MDGA2: variants seen among roughly 807,000 people sequenced by gnomAD.
MDGA2 encodes the protein MAM domain-containing glycosylphosphatidylinositol anchor protein 2.
MDGA2 carries 40 observed loss-of-function variants against 117.8 expected under a neutral mutation model. That is an observed-to-expected ratio of 0.34 (90% CI 0.26 to 0.44). MDGA2 has a LOEUF of 0.44. Ranked by LOEUF, MDGA2 falls within the 20% of genes least tolerant of loss-of-function variation. The pLI, the probability that MDGA2 is intolerant of heterozygous loss-of-function variation, is 1.00. For missense variants in MDGA2, 1,123 were observed against 1,250.6 expected (o/e 0.90, Z 1.54); for synonymous variants, 452 against 439.0 (o/e 1.03, Z -0.37).
intron 10 of MDGA2, among the ~76,000 whole-genome samples, chr14:46,882,801 G>A (rs1315150511): frequency 2.0e-5 from 3 of 151,768 alleles, no homozygotes; most frequent in East Asian, 1.9e-4. Flanking sequence ...GCTGGAAAGG[G>A]GCACTCTTTA....
intron 2 of MDGA2, among the ~76,000 whole-genome samples, chr14:47,269,658 T>C (rs537324159): frequency 6.6e-6 from 1 of 152,308 alleles, no homozygotes; most frequent in South Asian, 2.1e-4. Context: ...TGACAGACTC[T>C]AGAATTTGGT....
chr14:47,457,389 C>A (rs1251279654), intron 1 of MDGA2, among the ~76,000 whole-genome samples: 1 of 152,138 alleles, frequency 6.6e-6, no homozygotes, highest in Non-Finnish European at 1.5e-5. Context: ...ATGAGAAATA[C>A]ACTAGTACAA....
chr14:47,569,086 T>C (rs1895972074), intron 1 of MDGA2, among the ~76,000 whole-genome samples: 1 of 152,204 alleles, frequency 6.6e-6, no homozygotes, highest in South Asian at 2.1e-4. Context: ...GTGGAGTTTT[T>C]TGTTTTTAAT....
At chr14:47,163,224 A>G (rs947081171) in intron 3 of MDGA2, among the ~76,000 whole-genome samples, 2 of 152,134 alleles carry the variant, frequency 1.3e-5, no homozygotes, top group East Asian at 1.9e-4. Flanking sequence ...ACTGGAGACA[A>G]TCTCCCTGCC....
At chr14:46,923,401 A>G (rs1240953963) in intron 9 of MDGA2, among the ~76,000 whole-genome samples, 1 of 152,142 alleles carries the variant, frequency 6.6e-6, no homozygotes, top group African/African-American at 2.4e-5. Context: ...GATGGGGATA[A>G]CATATGAAAG....
intron 1 of MDGA2, among the ~76,000 whole-genome samples, chr14:47,305,882 C>A (rs936995424): frequency 6.6e-6 from 1 of 152,158 alleles, no homozygotes. Context: ...TAACAAGTTT[C>A]GCAAAGTCAG....
At chr14:47,580,532 G>C (rs968605254) in intron 1 of MDGA2, among the ~76,000 whole-genome samples, 6 of 151,742 alleles carry the variant, frequency 4.0e-5, no homozygotes, top group Non-Finnish European at 7.4e-5. Flanking sequence ...GATTCCATTC[G>C]AGCCACTATT....
chr14:47,607,054 G>C (rs888324343), intron 1 of MDGA2, among the ~76,000 whole-genome samples: 1 of 152,068 alleles, frequency 6.6e-6, no homozygotes, highest in Non-Finnish European at 1.5e-5. Flanking sequence ...GTTTGCTAAA[G>C]ATTATTTGGT....
chr14:47,119,240 T>C (rs1004437129), intron 5 of MDGA2, among the ~76,000 whole-genome samples: 5 of 144,494 alleles, frequency 3.5e-5, no homozygotes, highest in African/African-American at 1.3e-4. Context: ...TAATTTTTTG[T>C]ATTTTTAGTA....
chr14:46,848,977 T>G (rs1406278698), intron 15 of MDGA2, among the ~76,000 whole-genome samples: 1 of 152,054 alleles, frequency 6.6e-6, no homozygotes, highest in Non-Finnish European at 1.5e-5. Context: ...TAGGCTGATT[T>G]GCAAATATAT....
intron 8 of MDGA2, among the ~76,000 whole-genome samples, chr14:47,029,883 A>G (rs138426293): frequency 1.3e-5 from 2 of 151,764 alleles, no homozygotes; most frequent in African/African-American, 4.8e-5. Flanking sequence ...GCTTGAGTGC[A>G]GTGGCAAAAT....
intron 1 of MDGA2, among the ~76,000 whole-genome samples, chr14:47,382,967 A>G (rs1320620215): frequency 2.0e-5 from 3 of 152,342 alleles, no homozygotes; most frequent in South Asian, 4.1e-4. Flanking sequence ...ATGTCCATCA[A>G]TGATAGACTG....
chr14:47,337,999 A>T lies in MDGA2; in HGVS notation c.281-36449T>A, dbSNP rs1269908917. Among the ~76,000 whole-genome samples the T allele has an allele frequency of 3.9e-5, 6 of 152,040 alleles. No homozygotes were observed. The East Asian group carries it at 1.2e-3, about 29-fold the overall frequency. The stretch of plus-strand genomic sequence containing the variant: ...CACTGCACTGCAGTTGCTACTACAT[A>T]GTCTGATTTTCCCTTTGAGAGTTTT... On this transcript the variant is annotated intron_variant, in intron 1 of 16. Transcript: ENST00000399232.
chr14:47,360,754 G>A (rs1282661287), intron 1 of MDGA2, among the ~76,000 whole-genome samples: 1 of 152,134 alleles, frequency 6.6e-6, no homozygotes, highest in Non-Finnish European at 1.5e-5. Context: ...TCAGCACCTT[G>A]TAGAGATATC....
intron 2 of MDGA2, among the ~76,000 whole-genome samples, chr14:47,224,791 G>A (rs1486705389): frequency 6.6e-6 from 1 of 152,000 alleles, no homozygotes; most frequent in East Asian, 1.9e-4. Flanking sequence ...AACTATCAAT[G>A]GTACGTAATT....
At chr14:46,878,846 T>C (rs1326462285) in intron 11 of MDGA2, among the ~76,000 whole-genome samples, 1 of 152,090 alleles carries the variant, frequency 6.6e-6, no homozygotes, top group Non-Finnish European at 1.5e-5. Context: ...AACTTAGTTC[T>C]AAGATATGTT....
chr14:47,017,760 A>T (rs1215286824), intron 8 of MDGA2, among the ~76,000 whole-genome samples: 1 of 152,086 alleles, frequency 6.6e-6, no homozygotes, highest in East Asian at 1.9e-4. Context: ...AATTTCAGAG[A>T]TCCCATATAA....
At chr14:46,993,851 C>T (rs1887186599) in intron 8 of MDGA2, among the ~76,000 whole-genome samples, 1 of 152,080 alleles carries the variant, frequency 6.6e-6, no homozygotes, top group South Asian at 2.1e-4. Context: ...AAGATTTTGT[C>T]TTGCCCAAAG....
intron 1 of MDGA2, among the ~76,000 whole-genome samples, chr14:47,396,310 T>C (rs897549004): frequency 2.0e-5 from 3 of 152,132 alleles, no homozygotes; most frequent in African/African-American, 7.2e-5. Flanking sequence ...AAGATTTAAA[T>C]GTAAGACCTA....
Sources: gnomAD v4.1 joint callset for allele counts (sites outside exome capture counted in the v4.1 genomes callset) on GRCh38, gnomAD v4.1.1 for gene constraint, MANE v1.5 for transcripts, NCBI Gene and HGNC (gene_info 2026-07-23, HGNC 2026-07-21) for gene names.